The following LRP1B variants were observed in gnomAD, a reference collection of about 807,000 sequenced individuals.
LRP1B encodes the protein LDL receptor related protein 1B.
Under a neutral mutation model 556.6 loss-of-function variants are expected in LRP1B, and 217 were observed. That is an observed-to-expected ratio of 0.39 (90% CI 0.35 to 0.44). LRP1B has a LOEUF of 0.44. Among genes scored for constraint, LRP1B ranks in the 20% least tolerant of loss-of-function variants. LRP1B has a pLI of 1.00. For synonymous variants in LRP1B, 2,047 were observed against 1,865.8 expected (o/e 1.10, Z -2.50); for missense variants, 5,053 against 5,620.8 (o/e 0.90, Z 3.23).
chr2:141,857,588 C>A (rs1048944622), intron 1 of LRP1B, among the ~76,000 whole-genome samples: 6 of 152,064 alleles, frequency 3.9e-5, no homozygotes, highest in Non-Finnish European at 7.4e-5. Context: ...CCTCCCGCCT[C>A]AACCTCCTAA....
intron 7 of LRP1B, among the ~76,000 whole-genome samples, chr2:141,138,944 A>G (rs1701560519): frequency 6.6e-6 from 1 of 152,006 alleles, no homozygotes; most frequent in Non-Finnish European, 1.5e-5. Context: ...GATAGATAAG[A>G]GTGCCTAATT....
In LRP1B at chr2:140,770,896, G is replaced by T. The variant is rs779772138; in HGVS notation, c.5611C>A (p.Arg1871Ser). The T allele has an allele frequency of 6.4e-7, 1 of 1,554,264 alleles. No individual in the cohort carries two copies. The highest frequency in any genetic ancestry group is 2.5e-5 in the East Asian group (1 of 40,512). ...CTVGYYLQKN[R>S]MSCQGIESFL... Reference sequence around the variant, plus strand: ...GAACTCATACCTTGACATGACATACGGTTCTTTTGGAGATAATATCCCACT... The same window carrying T: ...GAACTCATACCTTGACATGACATACTGTTCTTTTGGAGATAATATCCCACT... Residue 1871 changes from arginine to serine, a missense_variant, in exon 34 of 91, where the codon CGT becomes AGT. By Grantham distance (110) the Arg-to-Ser change is moderately radical. Transcript: ENST00000389484.
chr2:141,218,507 T>C (rs1025747451), intron 6 of LRP1B, among the ~76,000 whole-genome samples: 1 of 152,170 alleles, frequency 6.6e-6, no homozygotes, highest in Non-Finnish European at 1.5e-5. Context: ...CTGGAAGCCA[T>C]TATCCTAAGT....
intron 6 of LRP1B, among the ~76,000 whole-genome samples, chr2:141,194,054 T>C (rs552200428): frequency 2.0e-5 from 3 of 152,252 alleles, no homozygotes; most frequent in East Asian, 1.9e-4. Context: ...TACACTTTCA[T>C]TGTCCAGTAC....
intron 1 of LRP1B, among the ~76,000 whole-genome samples, chr2:142,012,589 C>G (rs959102212): frequency 6.6e-6 from 1 of 152,048 alleles, no homozygotes; most frequent in African/African-American, 2.4e-5. Context: ...CCCCAAGACA[C>G]CAAGCAGCAT....
intron 3 of LRP1B, among the ~76,000 whole-genome samples, chr2:141,443,472 T>G (rs1265868415): frequency 6.6e-6 from 1 of 152,218 alleles, no homozygotes; most frequent in Non-Finnish European, 1.5e-5. Flanking sequence ...TTGTTGCCAT[T>G]GCTTTTGGTG....
chr2:140,986,738 C>G (rs1045831256), intron 17 of LRP1B, among the ~76,000 whole-genome samples: 2 of 152,106 alleles, frequency 1.3e-5, no homozygotes, highest in African/African-American at 4.8e-5. Context: ...TTCTCCCAGT[C>G]TTCACTCTTA....
At chr2:141,236,281 C>T (rs187920513) in intron 5 of LRP1B, among the ~76,000 whole-genome samples, 6 of 152,292 alleles carry the variant, frequency 3.9e-5, no homozygotes, top group Non-Finnish European at 1.5e-5. Context: ...CATTACCTCA[C>T]ATAGTTACCA....
At chr2:141,625,354 T>A (rs766162222) in intron 2 of LRP1B, among the ~76,000 whole-genome samples, 12 of 152,120 alleles carry the variant, frequency 7.9e-5, no homozygotes, top group Non-Finnish European at 1.5e-4. Flanking sequence ...CCTGAGATAA[T>A]GGATTTTTAA....
intron 67 of LRP1B, among the ~76,000 whole-genome samples, chr2:140,384,469 T>C (rs1233896854): frequency 6.6e-6 from 1 of 152,214 alleles, no homozygotes; most frequent in African/African-American, 2.4e-5. Context: ...TAAAACTCTA[T>C]TGACTCTCTG....
intron 2 of LRP1B, among the ~76,000 whole-genome samples, chr2:141,615,889 A>G (rs62166499): frequency 0.17 from 26,403 of 152,124 alleles, 2,837 homozygotes; most frequent in South Asian, 0.32. Flanking sequence ...GTAATAGCAA[A>G]TGAAGATCCA....
At chr2:140,922,543 C>A (rs1694768191) in intron 21 of LRP1B, among the ~76,000 whole-genome samples, 3 of 151,836 alleles carry the variant, frequency 2.0e-5, no homozygotes, top group Admixed American at 6.6e-5. Flanking sequence ...TAGGGTGAGG[C>A]CTTATCTACG....
At chr2:141,523,514 AAAT>A (rs1220390175) in intron 2 of LRP1B, among the ~76,000 whole-genome samples, 1 of 148,146 alleles carries the variant, frequency 6.8e-6, no homozygotes, top group Non-Finnish European at 1.5e-5. Context: ...ACTTCATAAG[AAAT>A]AATAAATTAT....
intron 2 of LRP1B, among the ~76,000 whole-genome samples, chr2:141,611,032 T>C (rs1051004370): frequency 3.3e-5 from 5 of 152,202 alleles, no homozygotes; most frequent in Non-Finnish European, 5.9e-5. Context: ...TTAAAAGCCA[T>C]GCCTAATTAT....
At chr2:140,473,725 A>G (rs1157952722) in intron 60 of LRP1B, among the ~76,000 whole-genome samples, 5 of 151,894 alleles carry the variant, frequency 3.3e-5, no homozygotes, top group African/African-American at 4.8e-5. Flanking sequence ...TTGTTGTACA[A>G]TGAAATTTTA....
chr2:142,095,617 C>T (rs1243932531), intron 1 of LRP1B, among the ~76,000 whole-genome samples: 2 of 151,724 alleles, frequency 1.3e-5, no homozygotes, highest in Admixed American at 6.6e-5. Flanking sequence ...TACCTCTGGC[C>T]TTAAACTGTA....
chr2:141,475,025 G>A (rs936439469), intron 3 of LRP1B, among the ~76,000 whole-genome samples: 3 of 152,160 alleles, frequency 2.0e-5, no homozygotes, highest in Non-Finnish European at 2.9e-5. Context: ...TCTTTTAACA[G>A]GATAAGGGCA....
At chr2:142,003,603 G>A (rs1311712021) in intron 1 of LRP1B, among the ~76,000 whole-genome samples, 2 of 152,148 alleles carry the variant, frequency 1.3e-5, no homozygotes, top group Admixed American at 6.5e-5. Context: ...CTGAACTTCG[G>A]GAATGTGGCT....
rs75865654 is a variant in LRP1B, at chr2:141,956,675, T to G, written c.83-146274A>C. 1.2e-3 allele frequency among the ~76,000 whole-genome samples: 183 copies of G among 152,248 alleles called. 2 individuals carry two copies. The East Asian group carries it at 0.035, about 29-fold the overall frequency. ...TATGGCTTTTCCTCCCTAAAAGTCT[T>G]TAAATTCTGTGTGGGCAGATAAATA... On this transcript the variant is annotated intron_variant, in intron 1 of 90. Coordinates refer to ENST00000389484, the MANE Select transcript of LRP1B (RefSeq NM_018557.3).
Sources: allele counts gnomAD v4.1 joint callset (sites outside exome capture counted in the v4.1 genomes callset), GRCh38; gene constraint gnomAD v4.1.1; transcripts MANE v1.5; gene names NCBI Gene and HGNC (gene_info 2026-07-23, HGNC 2026-07-21).